ERC1: variants seen among roughly 807,000 people sequenced by gnomAD.
ERC1 encodes RAB6 interacting protein 2.
ERC1 carries 56 observed loss-of-function variants against 132.0 expected under a neutral mutation model. The ratio of observed to expected loss-of-function variants is 0.42; its 90% CI spans 0.34 to 0.53. The LOEUF (loss-of-function observed/expected upper bound fraction) is 0.53. Ranked by LOEUF, ERC1 falls within the 20% of genes least tolerant of loss-of-function variation. ERC1 has a pLI of 0.03. For missense variants in ERC1, 1,202 were observed against 1,349.9 expected (o/e 0.89, Z 1.72); for synonymous variants, 478 against 476.1 (o/e 1.00, Z -0.05).
At chr12:1,200,311 G>C (rs891917693) in intron 12 of ERC1, among the ~76,000 whole-genome samples, 2 of 151,792 alleles carry the variant, frequency 1.3e-5, no homozygotes. Flanking sequence ...TTTTCTCTTT[G>C]ACTGAAAGTT....
chr12:1,214,699 C>T (rs1028305349), intron 12 of ERC1, among the ~76,000 whole-genome samples: 2 of 137,012 alleles, frequency 1.5e-5, no homozygotes, highest in Admixed American at 7.0e-5. Flanking sequence ...CACACACACA[C>T]ACATATGTTT....
intron 12 of ERC1, among the ~76,000 whole-genome samples, chr12:1,219,635 CTT>C (rs775838825): frequency 5.4e-4 from 76 of 140,728 alleles, no homozygotes; most frequent in African/African-American, 1.9e-3. Context: ...ACTGAACTCT[CTT>C]TTTTTTTTTT....
rs2082854271 is a variant in ERC1 at position 1,331,459 on chromosome 12, C to T, written c.2781-40374C>T. 2.0e-5 allele frequency among the ~76,000 whole-genome samples: 3 copies of T among 152,308 alleles called. No homozygotes were observed. The South Asian group carries it at 6.2e-4, about 32-fold the overall frequency. On this transcript the variant is annotated intron_variant, in intron 15 of 18. Coordinates refer to ENST00000360905, the MANE Select transcript of ERC1 (RefSeq NM_178040.4). ...GACAGAGCCCATTTAGTTTGGGGCTCTTACAGATAGTGGTACCATGAGCAT... is the reference window on the plus strand; with the variant it reads ...GACAGAGCCCATTTAGTTTGGGGCTTTTACAGATAGTGGTACCATGAGCAT...
intron 15 of ERC1, among the ~76,000 whole-genome samples, chr12:1,290,674 C>T (rs775254129): frequency 2.2e-4 from 33 of 152,166 alleles, no homozygotes; most frequent in Non-Finnish European, 3.8e-4. Flanking sequence ...CAGTTGTACC[C>T]TCTCATTTAC....
chr12:1,034,543 G>A (rs927318137), intron 2 of ERC1, among the ~76,000 whole-genome samples: 13 of 152,168 alleles, frequency 8.5e-5, no homozygotes, highest in Non-Finnish European at 1.8e-4. Flanking sequence ...GTGTGTGTCA[G>A]ATTATACGTG....
At chr12:1,454,132 A>T (rs1258327131) in intron 18 of ERC1, among the ~76,000 whole-genome samples, 1 of 152,046 alleles carries the variant, frequency 6.6e-6, no homozygotes, top group African/African-American at 2.4e-5. Flanking sequence ...ATGCCTACTT[A>T]ATGAATCTTC....
intron 13 of ERC1, among the ~76,000 whole-genome samples, chr12:1,258,112 A>T (rs1339559241): frequency 6.6e-6 from 1 of 152,164 alleles, no homozygotes; most frequent in Non-Finnish European, 1.5e-5. Context: ...GAATGCCTAT[A>T]AACAACAGGT....
rs1460580236 is a variant in ERC1 at position 1,061,516 on chromosome 12, T to C, written c.670-21648T>C. Among the ~76,000 whole-genome samples, 5 of 151,490 alleles carry C rather than the reference T, an allele frequency of 3.3e-5. No individual in the cohort carries two copies. In the East Asian group the frequency reaches 9.7e-4, roughly 29 times the overall value. On this transcript the variant is annotated intron_variant, in intron 2 of 18. Transcript: ENST00000360905. Reference sequence around the variant, plus strand: ...TACTTGGGAGGCTGAGGCATGAGAATCACTTGAACCTGGGAGGCATAGGTT... The same window carrying C: ...TACTTGGGAGGCTGAGGCATGAGAACCACTTGAACCTGGGAGGCATAGGTT...
intron 8 of ERC1, among the ~76,000 whole-genome samples, chr12:1,158,241 T>G (rs966406586): frequency 1.3e-5 from 2 of 152,226 alleles, no homozygotes; most frequent in Admixed American, 1.3e-4. Context: ...TGATTTTAGT[T>G]GGTAAACTTT....
At chr12:1,244,548 G>T (rs1324055569) in intron 13 of ERC1, 2 of 451,660 alleles carry the variant, frequency 4.4e-6, no homozygotes, top group Non-Finnish European at 4.4e-6. Context: ...TTAAGACAGG[G>T]TCTTGCTCTA....
intron 15 of ERC1, among the ~76,000 whole-genome samples, chr12:1,295,541 A>G (rs1470481500): frequency 6.6e-6 from 1 of 152,214 alleles, no homozygotes. Context: ...TGGAGTTCCA[A>G]CCCAGTCAAC....
At chr12:1,134,918 A>G (rs1320929181) in intron 7 of ERC1, among the ~76,000 whole-genome samples, 2 of 151,900 alleles carry the variant, frequency 1.3e-5, no homozygotes, top group Non-Finnish European at 2.9e-5. Flanking sequence ...AGTAGAGACA[A>G]GGTTTCTCCC....
At chr12:1,072,513 G>A (rs1272134567) in intron 2 of ERC1, among the ~76,000 whole-genome samples, 2 of 151,978 alleles carry the variant, frequency 1.3e-5, no homozygotes, top group African/African-American at 4.8e-5. Context: ...ACAAACACAT[G>A]TGCAAAAGAG....
intron 15 of ERC1, among the ~76,000 whole-genome samples, chr12:1,309,544 GAC>G (rs950338141): frequency 7.2e-5 from 11 of 152,148 alleles, no homozygotes; most frequent in African/African-American, 1.7e-4. Flanking sequence ...CCTGTGGAGA[GAC>G]AGCATGGCCT....
At chr12:1,306,834 C>T (rs1298735756) in intron 15 of ERC1, among the ~76,000 whole-genome samples, 2 of 151,944 alleles carry the variant, frequency 1.3e-5, no homozygotes, top group African/African-American at 4.8e-5. Flanking sequence ...GTAATTTCAT[C>T]TGTTAGAAAG....
chr12:1,294,217 G>C (rs1227422338), intron 15 of ERC1, among the ~76,000 whole-genome samples: 1 of 151,938 alleles, frequency 6.6e-6, no homozygotes, highest in Non-Finnish European at 1.5e-5. Context: ...ACATGAATTG[G>C]AATAAATTAC....
chr12:1,025,719 ATTTCCTCAC>A (rs1452727123), intron 1 of ERC1, among the ~76,000 whole-genome samples: 1 of 150,754 alleles, frequency 6.6e-6, no homozygotes, highest in African/African-American at 2.4e-5. Context: ...GTGATTTTTC[ATTTCCTCAC>A]TGTATTAGTC....
chr12:1,486,107 C>T (rs2094211182), intron 18 of ERC1, among the ~76,000 whole-genome samples: 1 of 152,186 alleles, frequency 6.6e-6, no homozygotes, highest in Non-Finnish European at 1.5e-5. Flanking sequence ...ACTTTTATGG[C>T]ATGTTTTGTT....
chr12:1,117,514 T>G (rs892823448), intron 7 of ERC1, among the ~76,000 whole-genome samples: 2 of 152,226 alleles, frequency 1.3e-5, no homozygotes, highest in African/African-American at 4.8e-5. Flanking sequence ...GGCTAAGGCT[T>G]TGGCTCTAGA....
Sources: gnomAD v4.1 joint callset for allele counts (sites outside exome capture counted in the v4.1 genomes callset) on GRCh38, gnomAD v4.1.1 for gene constraint, MANE v1.5 for transcripts, NCBI Gene and HGNC (gene_info 2026-07-23, HGNC 2026-07-21) for gene names.